B3GNT2: variants seen among roughly 807,000 people sequenced by gnomAD.
B3GNT2 encodes N-acetyllactosaminide beta-1,3-N-acetylglucosaminyltransferase 2.
In B3GNT2, 12 loss-of-function variants were observed where a neutral mutation model predicts 27.6. The ratio of observed to expected loss-of-function variants is 0.44; its 90% CI spans 0.28 to 0.71. The LOEUF is 0.71. B3GNT2 is among the 30% of genes least tolerant of loss of function. B3GNT2 has a pLI of 0.17. For synonymous variants in B3GNT2, 192 were observed against 189.7 expected, an observed-to-expected ratio of 1.01 and a Z score of -0.10; for missense variants, 413 against 488.5, an observed-to-expected ratio of 0.85 and a Z score of 1.46.
intron 1 of B3GNT2, chr2:62,205,981 C>T (rs2104191376): frequency 6.5e-6 from 1 of 154,450 alleles, no homozygotes. Flanking sequence ...GGAATCAAGG[C>T]TGTCCTCATG....
chr2:62,202,297 G>A (rs567861235), intron 1 of B3GNT2, among the ~76,000 whole-genome samples: 2 of 152,340 alleles, frequency 1.3e-5, no homozygotes, highest in African/African-American at 4.8e-5. Flanking sequence ...TTTGGGCTTG[G>A]TCTTGAAGGA....
intron 1 of B3GNT2, among the ~76,000 whole-genome samples, chr2:62,207,696 C>T (rs542192891): frequency 6.6e-6 from 1 of 152,288 alleles, no homozygotes; most frequent in East Asian, 1.9e-4. Context: ...AAAGGGTTCG[C>T]CCTCCTGTGA....
chr2:62,220,445 A>C (rs1674668556), intron 1 of B3GNT2, among the ~76,000 whole-genome samples: 1 of 152,184 alleles, frequency 6.6e-6, no homozygotes, highest in Non-Finnish European at 1.5e-5. Context: ...GGGCTCTCTA[A>C]TATGTAATAG....
intron 1 of B3GNT2, among the ~76,000 whole-genome samples, chr2:62,210,993 C>G (rs1674472592): frequency 6.6e-6 from 1 of 152,072 alleles, no homozygotes; most frequent in Non-Finnish European, 1.5e-5. Flanking sequence ...GATGATGTGT[C>G]TAGGAGGGTG....
At chr2:62,212,404 C>A (rs747619502) in intron 1 of B3GNT2, among the ~76,000 whole-genome samples, 28 of 152,054 alleles carry the variant, frequency 1.8e-4, no homozygotes, top group Non-Finnish European at 3.2e-4. Flanking sequence ...CTGGTGCTGG[C>A]CATCTGGTGA....
chr2:62,220,375 G>A (rs556462805), intron 1 of B3GNT2, among the ~76,000 whole-genome samples: 2 of 152,280 alleles, frequency 1.3e-5, no homozygotes, highest in African/African-American at 2.4e-5. Context: ...CCAGATAAAG[G>A]TCTACTAGGC....
At chr2:62,212,535 A>T (rs990914944) in intron 1 of B3GNT2, among the ~76,000 whole-genome samples, 1 of 150,580 alleles carries the variant, frequency 6.6e-6, no homozygotes, top group Non-Finnish European at 1.5e-5. Flanking sequence ...GCACCTGATG[A>T]CTCCCTGTGT....
chr2:62,209,317 G>C (rs1453482587), intron 1 of B3GNT2, among the ~76,000 whole-genome samples: 2 of 152,172 alleles, frequency 1.3e-5, no homozygotes, highest in East Asian at 3.9e-4. Flanking sequence ...GGCAGCCTTG[G>C]GCAAGGCTCT....
rs1049892630 is a variant in B3GNT2, at chr2:62,224,251, G to T, written c.*837G>T. On this transcript the variant is annotated 3_prime_UTR_variant, in exon 2 of 2. Transcript: ENST00000301998. ...ATGTATTTTGAACTTGAGTGAAAAG[G>T]TTGAAGTTACAGACTTTTGCATAGA... 6 of 167,080 alleles carry T rather than the reference G, an allele frequency of 3.6e-5. No individual in the cohort carries two copies. Among genetic ancestry groups the T allele is most frequent in the African/African-American group, 1.4e-4 (6 of 41,456 alleles). The allele number at this position is 167,080 out of a possible 1,614,324, so 10.3% of individuals were successfully genotyped here.
chr2:62,206,102 G>C (rs1434973415), intron 1 of B3GNT2, among the ~76,000 whole-genome samples: 1 of 152,190 alleles, frequency 6.6e-6, no homozygotes, highest in African/African-American at 2.4e-5. Context: ...AAGAGGTATG[G>C]GTGGGGAGGA....
At chr2:62,219,920 C>T (rs1158430521) in intron 1 of B3GNT2, among the ~76,000 whole-genome samples, 1 of 152,110 alleles carries the variant, frequency 6.6e-6, no homozygotes, top group African/African-American at 2.4e-5. Flanking sequence ...AGTCATGAGT[C>T]TCTAGTCTGG....
In B3GNT2 at chr2:62,222,157, TGTGCA is replaced by T; in HGVS notation, c.-9-54_-9-50del. 7.0e-7 allele frequency: 1 copy of T among 1,429,660 alleles called. No individual in the cohort carries two copies. Among genetic ancestry groups the T allele is most frequent in the Non-Finnish European group, 9.5e-7 (1 of 1,054,156 alleles). The allele number at this position is 1,429,660 out of a possible 1,614,324, so 88.6% of individuals were successfully genotyped here. On this transcript the variant is annotated intron_variant, in intron 1 of 1. Coordinates refer to ENST00000301998, the MANE Select transcript of B3GNT2 (RefSeq NM_006577.6). The surrounding 1 kb of genome is among the most constrained non-coding windows in gnomAD (Gnocchi z 4.2). ...GGGGAGACAGGTAAAATAAATTGTATGTGCAAATGCAAATTGATAAGTAATTGATA... is the reference window on the plus strand; with the variant it reads ...GGGGAGACAGGTAAAATAAATTGTATAATGCAAATTGATAAGTAATTGATA...
intron 1 of B3GNT2, among the ~76,000 whole-genome samples, chr2:62,197,216 G>C (rs1332218901): frequency 6.6e-6 from 1 of 152,104 alleles, no homozygotes; most frequent in Non-Finnish European, 1.5e-5. Flanking sequence ...GCGGGCGCGG[G>C]ACTGGCGGCT....
chr2:62,198,530 A>G (rs2104179616), intron 1 of B3GNT2, among the ~76,000 whole-genome samples: 1 of 152,332 alleles, frequency 6.6e-6, no homozygotes, highest in South Asian at 2.1e-4. Flanking sequence ...AATCAGCCAC[A>G]TTTGGCAGAT....
rs371596760 is a variant in B3GNT2, at chr2:62,223,843, G to A, written c.*429G>A. On this transcript the variant is annotated 3_prime_UTR_variant, in exon 2 of 2. Transcript: ENST00000301998. ...TGTTAAACATTATCCAGTGGTTTTC[G>A]TGAAATGGAATTATGTTTATTTTTA... The A allele has an allele frequency of 1.8e-5, 3 of 167,980 alleles. No homozygotes were observed. Among genetic ancestry groups the A allele is most frequent in the South Asian group, 2.1e-4 (1 of 4,854 alleles). The allele number at this position is 167,980 out of a possible 1,614,324, so 10.4% of individuals were successfully genotyped here. A position where few individuals can be genotyped will look rare whatever the true frequency, so the allele number is the denominator to read the frequency against.
At chr2:62,209,776 C>T (rs1234851181) in intron 1 of B3GNT2, among the ~76,000 whole-genome samples, 1 of 152,156 alleles carries the variant, frequency 6.6e-6, no homozygotes, top group Non-Finnish European at 1.5e-5. Context: ...TAAAGTTGTG[C>T]TGATCTCCCT....
At chr2:62,218,654 G>A (rs1443164861) in intron 1 of B3GNT2, among the ~76,000 whole-genome samples, 1 of 152,212 alleles carries the variant, frequency 6.6e-6, no homozygotes, top group East Asian at 1.9e-4. Context: ...CCTGGATTGG[G>A]AGCCAGAAGG....
chr2:62,204,242 T>C (rs1235000186), intron 1 of B3GNT2, among the ~76,000 whole-genome samples: 1 of 152,220 alleles, frequency 6.6e-6, no homozygotes, highest in Admixed American at 6.5e-5. Flanking sequence ...GTCAGGCTGG[T>C]CTCGAACTCC....
chr2:62,212,181 G>C (rs1428697741), intron 1 of B3GNT2, among the ~76,000 whole-genome samples: 1 of 152,164 alleles, frequency 6.6e-6, no homozygotes, highest in Non-Finnish European at 1.5e-5. Flanking sequence ...AGGAGGAAGG[G>C]ATTTTTCTTC....
Sources: gnomAD v4.1 joint callset for allele counts (sites outside exome capture counted in the v4.1 genomes callset) on GRCh38, gnomAD v4.1.1 for gene constraint, Gnocchi (gnomAD v3.1) non-coding constraint, MANE v1.5 for transcripts, NCBI Gene and HGNC (gene_info 2026-07-23, HGNC 2026-07-21) for gene names.